Variants in CTNNA3 observed in about 807,000 individuals in gnomAD.
The protein encoded by CTNNA3 is catenin alpha-3.
CTNNA3 carries 76 observed loss-of-function variants against 95.7 expected under a neutral mutation model. The ratio of observed to expected loss-of-function variants is 0.79; its 90% CI spans 0.66 to 0.96. The LOEUF is 0.96. Ranked by LOEUF, CTNNA3 falls within the 40% of genes least tolerant of loss-of-function variation. CTNNA3 has a pLI of 0.00. For synonymous variants in CTNNA3, 431 were observed against 374.4 expected (o/e 1.15, Z -1.74); for missense variants, 1,191 against 1,089.8 (o/e 1.09, Z -1.31).
chr10:65,992,802 T>C (rs2078571915), intron 15 of CTNNA3, among the ~76,000 whole-genome samples: 1 of 152,148 alleles, frequency 6.6e-6, no homozygotes. Context: ...TTGTTCTTGC[T>C]TTTCTAATTC....
intron 7 of CTNNA3, among the ~76,000 whole-genome samples, chr10:67,083,852 T>C (rs1263079940): frequency 6.6e-6 from 1 of 152,112 alleles, no homozygotes; most frequent in Non-Finnish European, 1.5e-5. Flanking sequence ...GCTACACATA[T>C]TTTATTAAAA....
intron 15 of CTNNA3, among the ~76,000 whole-genome samples, chr10:65,992,328 T>C (rs1264320135): frequency 6.6e-6 from 1 of 152,130 alleles, no homozygotes; most frequent in Non-Finnish European, 1.5e-5. Context: ...TCAATGTTAG[T>C]TATTCTTTGT....
intron 12 of CTNNA3, among the ~76,000 whole-genome samples, chr10:66,362,367 C>T (rs1322552696): frequency 1.3e-5 from 2 of 150,460 alleles, no homozygotes; most frequent in Non-Finnish European, 3.0e-5. Flanking sequence ...TCCCAAAGTG[C>T]TGGGATTAAA....
chr10:66,698,393 A>G (rs1213992071), intron 9 of CTNNA3, among the ~76,000 whole-genome samples: 2 of 152,108 alleles, frequency 1.3e-5, no homozygotes, highest in Non-Finnish European at 2.9e-5. Context: ...CAATCTTACA[A>G]TGTGTGTGCG....
At chr10:66,843,110 G>A (rs1266800927) in intron 7 of CTNNA3, among the ~76,000 whole-genome samples, 1 of 152,134 alleles carries the variant, frequency 6.6e-6, no homozygotes, top group Non-Finnish European at 1.5e-5. Context: ...AAAGGACGTG[G>A]ATGTAGATTG....
intron 7 of CTNNA3, among the ~76,000 whole-genome samples, chr10:67,121,133 A>ATT (rs1859443789): frequency 6.6e-6 from 1 of 152,062 alleles, no homozygotes; most frequent in South Asian, 2.1e-4. Flanking sequence ...TAAACTAATA[A>ATT]TAGTTTATCT....
At chr10:66,502,581 T>C (rs533006085) in intron 11 of CTNNA3, among the ~76,000 whole-genome samples, 1 of 152,250 alleles carries the variant, frequency 6.6e-6, no homozygotes, top group East Asian at 1.9e-4. Flanking sequence ...TTGATACACA[T>C]GGCATTTATG....
chr10:67,107,990 T>C (rs1244654785), intron 7 of CTNNA3, among the ~76,000 whole-genome samples: 1 of 152,234 alleles, frequency 6.6e-6, no homozygotes, highest in Non-Finnish European at 1.5e-5. Flanking sequence ...TTACTCACCA[T>C]TCAAATTGTC....
intron 13 of CTNNA3, among the ~76,000 whole-genome samples, chr10:66,187,791 G>A (rs945621892): frequency 6.6e-6 from 1 of 151,908 alleles, no homozygotes; most frequent in Non-Finnish European, 1.5e-5. Context: ...CCAATCATAG[G>A]AAAAGGAGGC....
At chr10:67,006,765 TTC>T (rs1164669170) in intron 7 of CTNNA3, among the ~76,000 whole-genome samples, 2 of 151,402 alleles carry the variant, frequency 1.3e-5, no homozygotes, top group East Asian at 3.9e-4. Flanking sequence ...GATACATTTG[TTC>T]TCTTTATTTC....
chr10:67,118,596 A>C lies in CTNNA3; in HGVS notation c.1047+61721T>G, dbSNP rs147255407. Among the ~76,000 whole-genome samples the C allele has an allele frequency of 5.2e-3, 786 of 152,082 alleles. 6 individuals carry two copies. Among genetic ancestry groups the C allele is most frequent in the African/African-American group, 0.018 (735 of 41,546 alleles). ...CTTATCCCAAAGTTAATTATTGTGC[A>C]TAGAAAGAAAACTTAAATGTAGCAT... is the stretch of plus-strand genomic sequence containing the variant. On this transcript the variant is annotated intron_variant, in intron 7 of 17. Coordinates refer to ENST00000433211, the MANE Select transcript of CTNNA3 (RefSeq NM_013266.4).
intron 17 of CTNNA3, among the ~76,000 whole-genome samples, chr10:65,938,728 C>A (rs2077380838): frequency 6.6e-6 from 1 of 152,060 alleles, no homozygotes; most frequent in African/African-American, 2.4e-5. Context: ...TGGCAGGTGG[C>A]ATAACAGTTT....
At chr10:67,262,677 G>A (rs990571630) in intron 5 of CTNNA3, among the ~76,000 whole-genome samples, 2 of 152,152 alleles carry the variant, frequency 1.3e-5, no homozygotes, top group East Asian at 1.9e-4. Context: ...AAGGCTGTCC[G>A]TGGATCTTTG....
intron 7 of CTNNA3, among the ~76,000 whole-genome samples, chr10:66,920,170 T>A (rs1246983793): frequency 6.6e-6 from 1 of 152,236 alleles, no homozygotes; most frequent in Non-Finnish European, 1.5e-5. Flanking sequence ...TTGTCATAGA[T>A]ACTCTGATTG....
chr10:66,606,820 T>G (rs1380870569), intron 10 of CTNNA3, among the ~76,000 whole-genome samples: 1 of 151,952 alleles, frequency 6.6e-6, no homozygotes, highest in Non-Finnish European at 1.5e-5. Flanking sequence ...CATCAAAAAG[T>G]TAGAAAGATC....
chr10:66,031,419 G>C (rs2079447464), intron 15 of CTNNA3, among the ~76,000 whole-genome samples: 1 of 152,190 alleles, frequency 6.6e-6, no homozygotes, highest in South Asian at 2.1e-4. Context: ...CGTAGATGCA[G>C]CTGGAGGCTA....
chr10:67,197,900 G>A (rs1589851677), intron 6 of CTNNA3, among the ~76,000 whole-genome samples: 1 of 152,042 alleles, frequency 6.6e-6, no homozygotes, highest in Non-Finnish European at 1.5e-5. Flanking sequence ...TCATTTTGGA[G>A]TCTACATAAA....
In CTNNA3 at chr10:66,626,775, G is replaced by A. The variant is rs531844608; in HGVS notation, c.1282-4991C>T. Among the ~76,000 whole-genome samples, 3 of 152,186 alleles carry A rather than the reference G, an allele frequency of 2.0e-5. No individual in the cohort carries two copies. In the East Asian group the frequency reaches 5.8e-4, roughly 29 times the overall value. On this transcript the variant is annotated intron_variant, in intron 9 of 17. Transcript: ENST00000433211. ...ATCACCAGTAAATAGCTATTAAAAA[G>A]AAAAGTCCAATTCCCTTCTGTCAAG...
intron 12 of CTNNA3, among the ~76,000 whole-genome samples, chr10:66,310,058 C>T (rs544853638): frequency 1.3e-5 from 2 of 151,114 alleles, no homozygotes; most frequent in South Asian, 4.2e-4. Context: ...TGGGAGGTTG[C>T]AGTGAGCTGA....
Sources: gnomAD v4.1 joint callset for allele counts (sites outside exome capture counted in the v4.1 genomes callset) on GRCh38, gnomAD v4.1.1 for gene constraint, MANE v1.5 for transcripts, NCBI Gene and HGNC (gene_info 2026-07-23, HGNC 2026-07-21) for gene names.